Variants in P2RX5 observed in about 807,000 individuals in gnomAD.
P2RX5 encodes purinergic receptor P2X 5, also known as P2X purinoceptor 5.
In P2RX5, 46 loss-of-function variants were observed where a neutral mutation model predicts 54.1. That is an observed-to-expected ratio of 0.85 (90% CI 0.67 to 1.09). The LOEUF is 1.09. Among genes scored for constraint, P2RX5 ranks in the 50% least tolerant of loss-of-function variants. The pLI, the probability that P2RX5 is intolerant of heterozygous loss-of-function variation, is 0.00. For missense variants in P2RX5, 566 were observed against 549.8 expected, an observed-to-expected ratio of 1.03 and a Z score of -0.29; for synonymous variants, 226 against 226.4, an observed-to-expected ratio of 1.00 and a Z score of 0.02.
At chr17:3,703,934 C>T in the P2RX5 span, among the ~76,000 whole-genome samples, 2 of 152,076 alleles carry the variant, frequency 1.3e-5, no homozygotes, top group Admixed American at 1.3e-4. Flanking sequence ...AACCCCATCT[C>T]TACTAAAAAT....
chr17:3,690,832 C>T lies in P2RX5; in HGVS notation c.360+124G>A, dbSNP rs574787487. The stretch of plus-strand genomic sequence containing the variant: ...CCCCATATAATGCAGGAACCACACC[C>T]GGGTGCACACAGCCACCCGAGACCC... On this transcript the variant is annotated intron_variant, in intron 3 of 11. Transcript: ENST00000225328. 2.4e-4 allele frequency: 277 copies of T among 1,133,674 alleles called. 3 individuals are homozygous for T. Among genetic ancestry groups the T allele is most frequent in the South Asian group, 2.1e-3 (162 of 76,784 alleles). The allele number at this position is 1,133,674 out of a possible 1,614,324, so 70.2% of individuals were successfully genotyped here.
At chr17:3,714,769 A>C in the P2RX5 span, 1 of 796,006 alleles carries the variant, frequency 1.3e-6, no homozygotes, top group Non-Finnish European at 2.1e-6. Context: ...ATCATCCTGA[A>C]GGAAAAAGTA....
chr17:3,688,564 C>T (rs1031888286), intron 8 of P2RX5, 62 bp downstream of exon 8: 20 of 1,594,386 alleles, frequency 1.3e-5, no homozygotes, highest in Non-Finnish European at 1.7e-5. Context: ...AGTGCTGGCA[C>T]CCAGATGAGT....
rs778541068 is a variant in P2RX5 at position 3,690,513 on chromosome 17, G to C, written c.447C>G (p.Thr149=). 2 of 1,613,394 alleles carry C rather than the reference G, an allele frequency of 1.2e-6. No homozygotes were observed. Among genetic ancestry groups the C allele is most frequent in the Non-Finnish European group, 1.7e-6 (2 of 1,179,852 alleles). The change falls in exon 5 of 12, where the codon ACC becomes ACG. Residue 149 remains threonine (T), a synonymous_variant. Transcript: ENST00000225328. Reference sequence around the variant, plus strand: ...AGTTCTCTCTCCGCAGGCAGCGGCCGGTCTTCACTCCTGCAGGGGTGGGAC... The same window carrying C: ...AGTTCTCTCTCCGCAGGCAGCGGCCCGTCTTCACTCCTGCAGGGGTGGGAC... ...EAVTAGNGVK[T]GRCLRRENLA...
the P2RX5 span, chr17:3,714,708 C>G: frequency 3.7e-6 from 2 of 544,598 alleles, no homozygotes; most frequent in South Asian, 5.3e-5. Context: ...ACTTTTGGGA[C>G]AATGTATGGT....
chr17:3,682,287 T>A, intron 9 of P2RX5: 1 of 418,884 alleles, frequency 2.4e-6, no homozygotes, highest in South Asian at 2.1e-5. Flanking sequence ...CGTGCCAGTG[T>A]CTGCACCGAA....
chr17:3,682,380 A>G (rs1194290063), intron 9 of P2RX5: 2 of 340,374 alleles, frequency 5.9e-6, no homozygotes, highest in Non-Finnish European at 1.2e-5. Flanking sequence ...GACGACCCAC[A>G]TAGGACTTCA....
chr17:3,691,253 C>T (rs570506470), intron 2 of P2RX5, among the ~76,000 whole-genome samples: 8 of 152,322 alleles, frequency 5.3e-5, no homozygotes, highest in East Asian at 1.9e-4. Flanking sequence ...CCCCAGGATC[C>T]GGGAGAAGTG....
chr17:3,690,180 G>C, intron 5 of P2RX5, 30 bp from the exon 6 acceptor site: 2 of 1,597,816 alleles, frequency 1.3e-6, no homozygotes, highest in Non-Finnish European at 1.7e-6. Context: ...AGCCTGTCCA[G>C]GAGGCCCCAC....
chr17:3,710,654 G>A, the P2RX5 span, among the ~76,000 whole-genome samples: 1 of 151,838 alleles, frequency 6.6e-6, no homozygotes, highest in East Asian at 1.9e-4. Context: ...GAGGCCGGGC[G>A]TGGCAACTCA....
chr17:3,699,926 G>GA (rs1171540975), upstream of P2RX5, among the ~76,000 whole-genome samples: 1 of 65,418 alleles, frequency 1.5e-5, no homozygotes, highest in Non-Finnish European at 4.1e-5. Flanking sequence ...AGGAAAGAAA[G>GA]AAAGAAAGAA....
Position 3,690,700 on chromosome 17 carries a change from A to G in P2RX5, c.361-20T>C, listed in dbSNP as rs1373672202. 5 of 1,611,234 alleles carry G rather than the reference A, an allele frequency of 3.1e-6. No individual in the cohort carries two copies. In the East Asian group the frequency reaches 6.7e-5, roughly 22 times the overall value. ...TTCATTCTGCCAGGAGAGAAGGGGC[A>G]CCTGGATGGGGGGGTTCCCCCAGCT... On this transcript the variant is annotated intron_variant, in intron 3 of 11. Coordinates refer to ENST00000225328, the MANE Select transcript of P2RX5 (RefSeq NM_002561.4).
At position 3,689,614 on chromosome 17, in the gene P2RX5, C is replaced by A. The variant is rs761490990; in HGVS notation, c.631G>T (p.Val211Phe). Residue 211 changes from valine to phenylalanine, a missense_variant, in exon 7 of 12, where the codon GTC becomes TTC. Transcript: ENST00000225328. ...FNFSKSNVMD[V>F]KDRSFLKSCH... is the part of the protein sequence containing the mutation. The stretch of plus-strand genomic sequence containing the variant: ...GATTTCAGGAAAGATCTGTCCTTGA[C>A]GTCCATCACATTGCTTCTGGGTGGA... 6.2e-7 allele frequency: 1 copy of A among 1,614,182 alleles called. No homozygotes were observed. Among genetic ancestry groups the A allele is most frequent in the Non-Finnish European group, 8.5e-7 (1 of 1,180,024 alleles).
At position 3,681,935 on chromosome 17, in the gene P2RX5, T is replaced by G. The variant is rs1163438160; in HGVS notation, c.1025A>C (p.Lys342Thr). 1.2e-6 allele frequency: 2 copies of G among 1,613,680 alleles called. No homozygotes were observed. Among genetic ancestry groups the G allele is most frequent in the African/African-American group, 2.7e-5 (2 of 74,920 alleles). Residue 342 changes from lysine (K) to threonine (T), a missense_variant, in exon 10 of 12, where the codon AAG (lysine) becomes ACG (threonine). By Grantham distance (78) the Lys-to-Thr change is moderately conservative. Transcript: ENST00000225328. ...CDLVLIYLIK[K>T]REFYRDKKYE... ...CTTCTTGTCACGGTAAAACTCTCTC[T>G]TTTTGATGAGGTAGATGAGTACCAG...
chr17:3,723,582 C>T, the P2RX5 span: 3 of 1,235,700 alleles, frequency 2.4e-6, no homozygotes, highest in South Asian at 2.9e-5. Flanking sequence ...TGGCAGCCCC[C>T]GGCACTGGCC....
At chr17:3,694,337 T>C (rs538880905) in intron 1 of P2RX5, among the ~76,000 whole-genome samples, 40 of 152,154 alleles carry the variant, frequency 2.6e-4, no homozygotes, top group African/African-American at 8.2e-4. Flanking sequence ...CCCGATTAGC[T>C]GGGATTACAG....
upstream of P2RX5, among the ~76,000 whole-genome samples, chr17:3,701,212 C>T (rs370981085): frequency 3.9e-5 from 6 of 152,242 alleles, no homozygotes; most frequent in South Asian, 6.2e-4. Flanking sequence ...TTTGTTAAAA[C>T]GTTGTGAGGT....
chr17:3,695,617 G>A (rs2050735801), intron 1 of P2RX5, among the ~76,000 whole-genome samples: 2 of 152,238 alleles, frequency 1.3e-5, no homozygotes, highest in South Asian at 4.1e-4. Context: ...GATAAATCGA[G>A]GAAACCAGAA....
chr17:3,687,937 C>G (rs2050492100), intron 9 of P2RX5, 75 bp downstream of exon 9: 2 of 322,536 alleles, frequency 6.2e-6, no homozygotes, highest in Non-Finnish European at 1.2e-5. Context: ...AGCTGGGCCC[C>G]CAGGGACCCT....
Sources: gnomAD v4.1 joint callset for allele counts (sites outside exome capture counted in the v4.1 genomes callset) on GRCh38, gnomAD v4.1.1 for gene constraint, MANE v1.5 for transcripts, NCBI Gene and HGNC (gene_info 2026-07-23, HGNC 2026-07-21) for gene names.